Variants in SMIM20 observed in about 807,000 individuals in gnomAD.
The protein encoded by SMIM20 is small integral membrane protein 20.
A neutral mutation model predicts 8.7 loss-of-function variants in SMIM20; 3 were observed. That is an observed-to-expected ratio of 0.34 (90% CI 0.16 to 0.89). SMIM20 has a LOEUF of 0.89. SMIM20 is among the 40% of genes least tolerant of loss of function. The pLI, the probability that SMIM20 is intolerant of heterozygous loss-of-function variation, is 0.49. For synonymous variants in SMIM20, 44 were observed against 33.6 expected, an observed-to-expected ratio of 1.31 and a Z score of -1.07; for missense variants, 85 against 84.8, an observed-to-expected ratio of 1.00 and a Z score of -0.01.
In SMIM20 at chr4:25,928,338, T is replaced by A; in HGVS notation, c.135T>A (p.Ala45=). The change falls in exon 2 of 3, where the codon GCT becomes GCA. Residue 45 remains alanine, a synonymous_variant. Coordinates refer to ENST00000506197, the MANE Select transcript of SMIM20 (RefSeq NM_001145432.3). ...EYKKEQAINR[A]GIVQEDVQPP... ...AGAAGGAACAAGCTATAAATCGGGC[T>A]GGAATTGTTCAAGAGGATGTGCAGC... The A allele has an allele frequency of 6.5e-7, 1 of 1,550,326 alleles. No individual in the cohort carries two copies.
Position 25,928,593 on chromosome 4 carries a change from C to T in SMIM20, c.166+224C>T, listed in dbSNP as rs76987293. On this transcript the variant is annotated intron_variant, in intron 2 of 2. Transcript: ENST00000506197. ...ATACTTTTTGCACGTTTGCCAGGTT[C>T]CTCTTTTCCATTTTATAAGTGGGCA... Among the ~76,000 whole-genome samples, 27 of 152,316 alleles carry T rather than the reference C, an allele frequency of 1.8e-4. No individual in the cohort carries two copies. The East Asian group carries it at 5.2e-3, about 29-fold the overall frequency.
At chr4:25,915,110 TTTCTC>T (rs1189769476) in intron 1 of SMIM20, among the ~76,000 whole-genome samples, 2 of 152,180 alleles carry the variant, frequency 1.3e-5, no homozygotes, top group Non-Finnish European at 2.9e-5. Flanking sequence ...TTTGTAGTGT[TTTCTC>T]TTCTTTTTCC....
chr4:25,929,494 G>A lies in SMIM20; in HGVS notation c.*303G>A, dbSNP rs566984489. ...GGAGCAATCTGCTTATTATTCTGTC[G>A]TTACCACTTACTCAAGCGAGCTGTG... On this transcript the variant is annotated 3_prime_UTR_variant, in exon 3 of 3. Transcript: ENST00000506197. 8 of 309,472 alleles carry A rather than the reference G, an allele frequency of 2.6e-5. No individual in the cohort carries two copies. Among genetic ancestry groups the A allele is most frequent in the South Asian group, 2.3e-4 (3 of 12,896 alleles). The allele number at this position is 309,472 out of a possible 1,614,324, so 19.2% of individuals were successfully genotyped here.
intron 1 of SMIM20, among the ~76,000 whole-genome samples, chr4:25,923,726 G>A (rs1719239299): frequency 6.6e-6 from 1 of 152,248 alleles, no homozygotes; most frequent in Non-Finnish European, 1.5e-5. Context: ...ACACGGTACT[G>A]GAAATCACCT....
intron 1 of SMIM20, among the ~76,000 whole-genome samples, chr4:25,916,003 C>T (rs1245099459): frequency 1.3e-5 from 2 of 151,974 alleles, no homozygotes; most frequent in African/African-American, 4.8e-5. Flanking sequence ...GTTGAGAAAC[C>T]CTGCTTGAGA....
chr4:25,920,348 T>A (rs1036015953), intron 1 of SMIM20, among the ~76,000 whole-genome samples: 2 of 152,178 alleles, frequency 1.3e-5, no homozygotes, highest in African/African-American at 4.8e-5. Context: ...GGGCCTAGGC[T>A]AATATATATG....
At chr4:25,926,629 C>T (rs773925373) in intron 1 of SMIM20, among the ~76,000 whole-genome samples, 3 of 152,242 alleles carry the variant, frequency 2.0e-5, no homozygotes, top group South Asian at 4.1e-4. Flanking sequence ...ATTAGGCATT[C>T]GGTCCTTGCC....
intron 1 of SMIM20, among the ~76,000 whole-genome samples, chr4:25,915,093 C>G (rs1437259869): frequency 1.3e-5 from 2 of 152,150 alleles, no homozygotes; most frequent in African/African-American, 2.4e-5. Context: ...AAACTGTTAA[C>G]CTGGGGTTTG....
intron 1 of SMIM20, among the ~76,000 whole-genome samples, chr4:25,922,592 A>T (rs182062409): frequency 6.6e-6 from 1 of 151,960 alleles, no homozygotes; most frequent in East Asian, 1.9e-4. Flanking sequence ...CCTTTCAGCC[A>T]CTCCTGTTAG....
Position 25,929,703 on chromosome 4 carries a change from G to A in SMIM20, c.*512G>A, listed in dbSNP as rs554. On this transcript the variant is annotated 3_prime_UTR_variant, in exon 3 of 3. Coordinates refer to ENST00000506197, the MANE Select transcript of SMIM20 (RefSeq NM_001145432.3). ...TGCACCTCATGCTGAAGATTGCACC[G>A]TGTTGGAAAATAAATATGAAGCAAG... 119,874 of 152,484 alleles carry A rather than the reference G, an allele frequency of 0.79. 47,105 individuals are homozygous for A. Among genetic ancestry groups the A allele is most frequent in the African/African-American group, 0.79 (32,859 of 41,512 alleles). 9.4% of individuals were successfully genotyped at this position (152,484 alleles called of 1,614,324 possible).
chr4:25,929,055 C>A, intron 2 of SMIM20, 99 bp from the exon 3 acceptor site: 1 of 1,413,970 alleles, frequency 7.1e-7, no homozygotes, highest in Non-Finnish European at 9.7e-7. Flanking sequence ...CTGTAAATTG[C>A]ACAGCTCAGT....
intron 1 of SMIM20, among the ~76,000 whole-genome samples, chr4:25,917,641 C>T (rs559265057): frequency 6.6e-6 from 1 of 152,350 alleles, no homozygotes; most frequent in South Asian, 2.1e-4. Context: ...GTGCCTGGCA[C>T]TGTGCTGGGT....
intron 1 of SMIM20, among the ~76,000 whole-genome samples, chr4:25,920,273 A>C (rs925771969): frequency 2.0e-5 from 3 of 152,192 alleles, no homozygotes; most frequent in Admixed American, 2.0e-4. Context: ...GTGGTCCCAT[A>C]AGATTATCAT....
chr4:25,927,865 A>C (rs1428519273), intron 1 of SMIM20, among the ~76,000 whole-genome samples: 1 of 152,236 alleles, frequency 6.6e-6, no homozygotes, highest in Non-Finnish European at 1.5e-5. Flanking sequence ...CCTATCAAAA[A>C]CATAGCATAT....
At chr4:25,915,050 A>T (rs1201044704) in intron 1 of SMIM20, among the ~76,000 whole-genome samples, 4 of 152,148 alleles carry the variant, frequency 2.6e-5, no homozygotes, top group Non-Finnish European at 4.4e-5. Context: ...TCCACTCCCC[A>T]AGATGTTTTT....
At chr4:25,924,270 A>C (rs991719119) in intron 1 of SMIM20, among the ~76,000 whole-genome samples, 1 of 152,234 alleles carries the variant, frequency 6.6e-6, no homozygotes, top group Non-Finnish European at 1.5e-5. Flanking sequence ...TCTTTGAAAT[A>C]ATCACCATGG....
At chr4:25,915,853 A>AAGGGGGGG (rs1719078032) in intron 1 of SMIM20, among the ~76,000 whole-genome samples, 5 of 10,188 alleles carry the variant, frequency 4.9e-4, no homozygotes, top group African/African-American at 2.5e-3. Context: ...ACAACTTGGG[A>AAGGGGGGG]TGGGGCGGGG....
rs925506582 is a variant in SMIM20 at position 25,929,370 on chromosome 4, G to A, written c.*179G>A. ...CAAGGATTAATATTTCCCTTCTTAA[G>A]TATCAAAAGAACTCTGGAACAAATT... is the stretch of plus-strand genomic sequence containing the variant. On this transcript the variant is annotated 3_prime_UTR_variant, in exon 3 of 3. Coordinates refer to ENST00000506197, the MANE Select transcript of SMIM20 (RefSeq NM_001145432.3). 31 of 585,538 alleles carry A rather than the reference G, an allele frequency of 5.3e-5. No homozygotes were observed. Among genetic ancestry groups the A allele is most frequent in the Admixed American group, 1.4e-4 (4 of 27,874 alleles). 36.3% of individuals were successfully genotyped at this position (585,538 alleles called of 1,614,324 possible). A position where few individuals can be genotyped will look rare whatever the true frequency, so the allele number is the denominator to read the frequency against.
chr4:25,914,434 C>T lies in SMIM20; in HGVS notation c.109+12C>T. ...ATTGGAGGAGTACAGTGAGTGATCT[C>T]TAACCCCTTGCGGTGACCTGACTCC... On this transcript the variant is annotated intron_variant, in intron 1 of 2. Coordinates refer to ENST00000506197, the MANE Select transcript of SMIM20 (RefSeq NM_001145432.3). The T allele has an allele frequency of 6.8e-7, 1 of 1,468,686 alleles. No individual in the cohort carries two copies. The highest frequency in any genetic ancestry group is 1.4e-5 in the African/African-American group (1 of 70,748). The allele number at this position is 1,468,686 out of a possible 1,614,324, so 91.0% of individuals were successfully genotyped here. A position where few individuals can be genotyped will look rare whatever the true frequency, so the allele number is the denominator to read the frequency against.
Sources: allele counts gnomAD v4.1 joint callset (sites outside exome capture counted in the v4.1 genomes callset), GRCh38; gene constraint gnomAD v4.1.1; transcripts MANE v1.5; gene names NCBI Gene and HGNC (gene_info 2026-07-23, HGNC 2026-07-21).